The following ST8SIA5 variants were observed in gnomAD, a reference collection of about 807,000 sequenced individuals.
The protein encoded by ST8SIA5 is ST8 alpha-N-acetyl-neuraminide alpha-2,8-sialyltransferase 5, also known as alpha-2,8-sialyltransferase 8E.
A neutral mutation model predicts 40.2 loss-of-function variants in ST8SIA5; 24 were observed. That is an observed-to-expected ratio of 0.60 (90% CI 0.43 to 0.84). The LOEUF is 0.84. Among genes scored for constraint, ST8SIA5 ranks in the 40% least tolerant of loss-of-function variants. The pLI is 0.00. For missense variants in ST8SIA5, 465 were observed against 498.5 expected (o/e 0.93, Z 0.64); for synonymous variants, 198 against 201.8 (o/e 0.98, Z 0.16).
At chr18:46,729,507 G>C (rs1002224896) in intron 1 of ST8SIA5, among the ~76,000 whole-genome samples, 31 of 152,294 alleles carry the variant, frequency 2.0e-4, no homozygotes, top group African/African-American at 7.2e-4. Flanking sequence ...ACACATGCCA[G>C]ACTGCTTGTT....
chr18:46,683,180 CA>C (rs1413674702), intron 5 of ST8SIA5, among the ~76,000 whole-genome samples: 6 of 152,076 alleles, frequency 3.9e-5, no homozygotes, highest in African/African-American at 9.7e-5. Flanking sequence ...GCGATACCTT[CA>C]GGGGGAAACG....
In ST8SIA5 at chr18:46,725,973, ATATAT is replaced by A. The variant is rs1239961828; in HGVS notation, c.132-21314_132-21310del. Reference sequence around the variant, plus strand: ...CCATCTCTACTTAAAAAAAAAAAAAATATATATATATATATATATATATATATATA... The same window carrying A: ...CCATCTCTACTTAAAAAAAAAAAAAAATATATATATATATATATATATATA... On this transcript the variant is annotated intron_variant, in intron 1 of 6. Coordinates refer to ENST00000315087, the MANE Select transcript of ST8SIA5 (RefSeq NM_013305.6). 3.4e-3 allele frequency among the ~76,000 whole-genome samples: 86 copies of A among 25,062 alleles called. 4 individuals carry two copies. Among genetic ancestry groups the A allele is most frequent in the Middle Eastern group, 0.024 (1 of 42 alleles). The allele number at this position is 25,062 out of a possible 152,430, so 16.4% of individuals were successfully genotyped here.
chr18:46,702,949 G>A (rs897282816), intron 2 of ST8SIA5, among the ~76,000 whole-genome samples: 4 of 152,330 alleles, frequency 2.6e-5, no homozygotes, highest in Non-Finnish European at 4.4e-5. Flanking sequence ...CTGGATGCTG[G>A]TCTCACCCTT....
intron 2 of ST8SIA5, among the ~76,000 whole-genome samples, chr18:46,695,180 CTTTTTAAAA>C (rs2039546268): frequency 1.3e-5 from 2 of 151,570 alleles, no homozygotes; most frequent in Non-Finnish European, 2.9e-5. Flanking sequence ...AAAAAAAACC[CTTTTTAAAA>C]AAAGGGTTCA....
Position 46,671,698 on chromosome 18 carries a change from C to A in ST8SIA5, c.*8344G>T, listed in dbSNP as rs2039310224. Reference sequence around the variant, plus strand: ...TCAGGCAGACTCTGAGGCTCCTAGCCCCGGGAGAAGAAATCTATGTTACTT... The same window carrying A: ...TCAGGCAGACTCTGAGGCTCCTAGCACCGGGAGAAGAAATCTATGTTACTT... On this transcript the variant is annotated 3_prime_UTR_variant, in exon 7 of 7. Transcript: ENST00000315087. 1 of 152,202 alleles carries A rather than the reference C, an allele frequency of 6.6e-6. No homozygotes were observed. Among genetic ancestry groups the A allele is most frequent in the East Asian group, 1.9e-4 (1 of 5,198 alleles). 9.4% of individuals were successfully genotyped at this position (152,202 alleles called of 1,614,324 possible).
At chr18:46,697,502 C>T (rs528026918) in intron 2 of ST8SIA5, among the ~76,000 whole-genome samples, 1 of 152,274 alleles carries the variant, frequency 6.6e-6, no homozygotes, top group South Asian at 2.1e-4. Context: ...AAAGATATGA[C>T]CAGCCTGAGC....
Position 46,686,253 on chromosome 18 carries a change from A to G in ST8SIA5, c.490T>C (p.Cys164Arg). ...MPYYRSQFKK[C>R]AVVGNGGILK... ...ATGCCTCCGTTGCCCACTACAGCAC[A>G]CTTCTTAAACTGGGACCGGTAGTAG... The change falls in exon 5 of 7, where the codon TGT (cysteine) becomes CGT (arginine). Residue 164 changes from cysteine (C) to arginine (R), a missense_variant. Physicochemically the swap from Cys to Arg is radical, Grantham distance 180. Coordinates refer to ENST00000315087, the MANE Select transcript of ST8SIA5 (RefSeq NM_013305.6). The G allele has an allele frequency of 4.3e-6, 7 of 1,614,072 alleles. No homozygotes were observed. Among genetic ancestry groups the G allele is most frequent in the Non-Finnish European group, 5.1e-6 (6 of 1,180,002 alleles).
At chr18:46,697,122 G>GT (rs1438985887) in intron 2 of ST8SIA5, among the ~76,000 whole-genome samples, 2 of 88,220 alleles carry the variant, frequency 2.3e-5, no homozygotes, top group Non-Finnish European at 2.3e-5. Context: ...TAGTTCCTCT[G>GT]TTAAAAAAAA....
chr18:46,756,899 G>C lies in ST8SIA5; in HGVS notation c.-391C>G, dbSNP rs539316313. 4.9e-6 allele frequency: 1 copy of C among 204,958 alleles called. No homozygotes were observed. Among genetic ancestry groups the C allele is most frequent in the South Asian group, 8.3e-5 (1 of 12,062 alleles). The allele number at this position is 204,958 out of a possible 1,614,324, so 12.7% of individuals were successfully genotyped here. The stretch of plus-strand genomic sequence containing the variant: ...CAATGGGGAGCAAGACCCGGGCTCC[G>C]TCCCCTGTGCGCCCCAGCGCGCCGC... On this transcript the variant is annotated 5_prime_UTR_variant, in exon 1 of 7. Coordinates refer to ENST00000315087, the MANE Select transcript of ST8SIA5 (RefSeq NM_013305.6).
chr18:46,697,259 T>C (rs1184333386), intron 2 of ST8SIA5, among the ~76,000 whole-genome samples: 1 of 151,834 alleles, frequency 6.6e-6, no homozygotes, highest in African/African-American at 2.4e-5. Context: ...TAAATATGGA[T>C]AGATAGCCAA....
intron 5 of ST8SIA5, 183 bp downstream of exon 5, chr18:46,685,991 G>A: frequency 1.6e-6 from 1 of 619,908 alleles, no homozygotes; most frequent in Non-Finnish European, 2.9e-6. Context: ...GAGGACCTAG[G>A]AGTTCAACGA....
Position 46,679,847 on chromosome 18 carries a change from T to A in ST8SIA5, c.*195A>T. On this transcript the variant is annotated 3_prime_UTR_variant, in exon 7 of 7. Transcript: ENST00000315087. ...ACCGGTGGGGGCCAGGCCAGGAGGC[T>A]CAGCACAGAGCTGACTCTGCCCCGG... 1.6e-6 allele frequency: 1 copy of A among 630,176 alleles called. No homozygotes were observed. The highest frequency in any genetic ancestry group is 2.7e-6 in the Non-Finnish European group (1 of 367,556). The allele number at this position is 630,176 out of a possible 1,614,324, so 39.0% of individuals were successfully genotyped here. A position where few individuals can be genotyped will look rare whatever the true frequency, so the allele number is the denominator to read the frequency against.
intron 1 of ST8SIA5, chr18:46,723,072 G>A (rs1298634406): frequency 6.5e-6 from 1 of 153,266 alleles, no homozygotes; most frequent in African/African-American, 2.4e-5. Flanking sequence ...CATGCAAAAC[G>A]ACATGGGCGA....
At chr18:46,698,576 C>A (rs1376433935) in intron 2 of ST8SIA5, among the ~76,000 whole-genome samples, 1 of 152,226 alleles carries the variant, frequency 6.6e-6, no homozygotes, top group Non-Finnish European at 1.5e-5. Context: ...GTCACACCAA[C>A]AATCAGGTAA....
Position 46,756,490 on chromosome 18 carries a change from A to AG in ST8SIA5, c.18dup (p.Ser7LeufsTer37). On this transcript the variant is annotated frameshift_variant, in exon 1 of 7. Coordinates refer to ENST00000315087, the MANE Select transcript of ST8SIA5 (RefSeq NM_013305.6). LOFTEE classifies it high-confidence loss of function. The stretch of plus-strand genomic sequence containing the variant: ...CTCCCCAACAAATCCCGGTTGGCCG[A>AG]GGGGTCCGCGTAGCGCATCCTGGCT... The AG allele has an allele frequency of 6.2e-7, 1 of 1,612,850 alleles. No homozygotes were observed. Among genetic ancestry groups the AG allele is most frequent in the Non-Finnish European group, 8.5e-7 (1 of 1,179,162 alleles).
chr18:46,742,683 C>T (rs2040098972), intron 1 of ST8SIA5, among the ~76,000 whole-genome samples: 1 of 152,242 alleles, frequency 6.6e-6, no homozygotes, highest in African/African-American at 2.4e-5. Context: ...TTAAACGTCC[C>T]TGTCTGACAG....
intron 3 of ST8SIA5, among the ~76,000 whole-genome samples, chr18:46,689,927 C>A (rs1870068527): frequency 6.6e-6 from 1 of 151,746 alleles, no homozygotes; most frequent in Admixed American, 6.6e-5. Context: ...CTTGCAGGTA[C>A]TTCACTGGGA....
intron 1 of ST8SIA5, 113 bp downstream of exon 1, chr18:46,756,265 G>A (rs1051007710): frequency 1.4e-6 from 2 of 1,443,796 alleles, no homozygotes; most frequent in African/African-American, 2.9e-5. Flanking sequence ...GCTAGGAGCG[G>A]ACCCCACGGC....
At chr18:46,719,792 CT>C (rs1276283159) in intron 1 of ST8SIA5, among the ~76,000 whole-genome samples, 1 of 128,522 alleles carries the variant, frequency 7.8e-6, no homozygotes, top group Non-Finnish European at 1.7e-5. Flanking sequence ...CTTTTTCTTT[CT>C]TTCTCTCTCT....
Sources: gnomAD v4.1 joint callset for allele counts (sites outside exome capture counted in the v4.1 genomes callset) on GRCh38, gnomAD v4.1.1 for gene constraint, MANE v1.5 for transcripts, NCBI Gene and HGNC (gene_info 2026-07-23, HGNC 2026-07-21) for gene names.